Variants in TC2N observed in about 807,000 individuals in gnomAD.
The protein encoded by TC2N is tandem C2 domains nuclear protein.
In TC2N, 51 loss-of-function variants were observed where a neutral mutation model predicts 61.9. The ratio of observed to expected loss-of-function variants is 0.82; its 90% CI spans 0.66 to 1.04. The LOEUF (loss-of-function observed/expected upper bound fraction) is 1.04. TC2N is among the 50% of genes least tolerant of loss of function. The pLI, the probability that TC2N is intolerant of heterozygous loss-of-function variation, is 0.00. For synonymous variants in TC2N, 204 were observed against 192.6 expected, an observed-to-expected ratio of 1.06 and a Z score of -0.49; for missense variants, 556 against 566.7, an observed-to-expected ratio of 0.98 and a Z score of 0.19.
rs1362777314 is a variant in TC2N, at chr14:91,780,541, A to T, written c.*2559T>A. 2.0e-5 allele frequency: 3 copies of T among 152,242 alleles called. No homozygotes were observed. In the East Asian group the frequency reaches 5.8e-4, roughly 29 times the overall value. The allele number at this position is 152,242 out of a possible 1,614,324, so 9.4% of individuals were successfully genotyped here. ...AAATAGTGATGTTATATTTTAACCC[A>T]GGCTGCAGCTATTTGTGTTGATCTG... On this transcript the variant is annotated 3_prime_UTR_variant, in exon 12 of 12. Coordinates refer to ENST00000435962, the MANE Select transcript of TC2N (RefSeq NM_001128596.3).
intron 7 of TC2N, 151 bp from the exon 8 acceptor site, chr14:91,798,052 T>C: frequency 1.7e-6 from 1 of 582,444 alleles, no homozygotes; most frequent in East Asian, 3.0e-5. Context: ...TAAGCAAATT[T>C]TGACATATAA....
chr14:91,786,790 G>A (rs1282459434), intron 10 of TC2N, among the ~76,000 whole-genome samples: 1 of 151,942 alleles, frequency 6.6e-6, no homozygotes, highest in Non-Finnish European at 1.5e-5. Context: ...CTATTTTAAT[G>A]ATTCTTTCAA....
At chr14:91,797,654 A>G (rs1885961393) in intron 8 of TC2N, 131 bp downstream of exon 8, 2 of 619,262 alleles carry the variant, frequency 3.2e-6, no homozygotes, top group Non-Finnish European at 5.5e-6. Flanking sequence ...GCCTTGAAAA[A>G]GCAATAATAC....
chr14:91,825,026 C>CTTTTTTTTTTTTTTTTTTT (rs5810554), intron 1 of TC2N, among the ~76,000 whole-genome samples: 1 of 66,860 alleles, frequency 1.5e-5, no homozygotes, highest in Non-Finnish European at 2.6e-5. Context: ...TTTTTCTTTT[C>CTTTTTTTTTTTTTTTTTTT]TTTTTTTTTT....
intron 1 of TC2N, among the ~76,000 whole-genome samples, chr14:91,861,204 G>C (rs1389901047): frequency 6.6e-6 from 1 of 152,188 alleles, no homozygotes; most frequent in Non-Finnish European, 1.5e-5. Context: ...AGAAAGACCA[G>C]AGAATGAATC....
intron 3 of TC2N, among the ~76,000 whole-genome samples, chr14:91,803,854 T>C (rs1015847165): frequency 6.6e-6 from 1 of 152,228 alleles, no homozygotes; most frequent in Non-Finnish European, 1.5e-5. Context: ...AAAGAAGATA[T>C]GTGCAACAAG....
intron 1 of TC2N, among the ~76,000 whole-genome samples, chr14:91,820,937 GA>G (rs1266565767): frequency 1.3e-5 from 2 of 151,920 alleles, no homozygotes; most frequent in African/African-American, 4.8e-5. Flanking sequence ...AGACATTACT[GA>G]AAGATATTAA....
At position 91,787,508 on chromosome 14, in the gene TC2N, C is replaced by T; in HGVS notation, c.1162+5G>A. On this transcript the variant is annotated splice_donor_5th_base_variant and intron_variant, in intron 10 of 11. Transcript: ENST00000435962. ...GATTCTACTTTGAACCACTGATATACTTACTCAAAGTCAGAGGTGTTGATG... is the reference window on the plus strand; with the variant it reads ...GATTCTACTTTGAACCACTGATATATTTACTCAAAGTCAGAGGTGTTGATG... The T allele has an allele frequency of 1.3e-6, 2 of 1,571,078 alleles. No individual in the cohort carries two copies. Among genetic ancestry groups the T allele is most frequent in the Non-Finnish European group, 1.7e-6 (2 of 1,146,320 alleles).
At chr14:91,820,604 A>T (rs1270424401) in intron 1 of TC2N, among the ~76,000 whole-genome samples, 1 of 151,920 alleles carries the variant, frequency 6.6e-6, no homozygotes, top group Non-Finnish European at 1.5e-5. Context: ...TTGAGATTCT[A>T]GCTAAGCCAA....
Position 91,792,320 on chromosome 14 carries a change from C to T in TC2N, c.1047+47G>A, listed in dbSNP as rs369331713. 7.7e-5 allele frequency: 100 copies of T among 1,303,924 alleles called. 1 individual carries two copies. The highest frequency in any genetic ancestry group is 2.0e-4 in the Middle Eastern group (1 of 5,112). The allele number at this position is 1,303,924 out of a possible 1,614,324, so 80.8% of individuals were successfully genotyped here. On this transcript the variant is annotated intron_variant, in intron 9 of 11. Coordinates refer to ENST00000435962, the MANE Select transcript of TC2N (RefSeq NM_001128596.3). ...TAACAAACAAAAGCCCATCCACCAA[C>T]TAATTCTAAAAGTATGAAATACTCT...
At chr14:91,865,813 C>T (rs2139930874) in intron 1 of TC2N, among the ~76,000 whole-genome samples, 1 of 152,250 alleles carries the variant, frequency 6.6e-6, no homozygotes, top group East Asian at 1.9e-4. Flanking sequence ...CCTGCTACTG[C>T]ACCTACCACA....
chr14:91,799,665 T>G (rs1886119906), intron 5 of TC2N, among the ~76,000 whole-genome samples: 1 of 152,042 alleles, frequency 6.6e-6, no homozygotes, highest in Admixed American at 6.6e-5. Context: ...ATATTTCCAT[T>G]TTAAAAAATA....
intron 1 of TC2N, among the ~76,000 whole-genome samples, chr14:91,850,827 A>C (rs535613887): frequency 4.5e-4 from 68 of 152,290 alleles, no homozygotes; most frequent in African/African-American, 1.6e-3. Context: ...GCTACTCAGG[A>C]GTCTGAGAGA....
chr14:91,799,095 T>C (rs754608756), intron 5 of TC2N, 31 bp from the exon 6 acceptor site: 1 of 1,439,276 alleles, frequency 6.9e-7, no homozygotes, highest in South Asian at 1.2e-5. Context: ...TAGTCAGAAA[T>C]TGCATATGAA....
intron 8 of TC2N, among the ~76,000 whole-genome samples, chr14:91,796,027 T>C (rs919557785): frequency 6.6e-6 from 1 of 152,026 alleles, no homozygotes; most frequent in Non-Finnish European, 1.5e-5. Flanking sequence ...TATATAATAA[T>C]AAAATTGTAA....
At chr14:91,805,895 A>T (rs1203124944) in intron 3 of TC2N, among the ~76,000 whole-genome samples, 1 of 152,130 alleles carries the variant, frequency 6.6e-6, no homozygotes, top group Non-Finnish European at 1.5e-5. Context: ...AATGCCCTAT[A>T]CAGGTGTGAT....
chr14:91,799,741 T>TAC (rs1412806226), intron 5 of TC2N, among the ~76,000 whole-genome samples: 1 of 152,154 alleles, frequency 6.6e-6, no homozygotes, highest in Non-Finnish European at 1.5e-5. Context: ...ACATTGCACT[T>TAC]ACTCTGAGTT....
chr14:91,812,049 T>C (rs1886792538), intron 3 of TC2N: 1 of 207,498 alleles, frequency 4.8e-6, no homozygotes, highest in African/African-American at 2.3e-5. Context: ...TCCACAGATG[T>C]GGAACCCAAA....
chr14:91,804,573 C>T (rs1208595186), intron 3 of TC2N, among the ~76,000 whole-genome samples: 1 of 152,074 alleles, frequency 6.6e-6, no homozygotes, highest in Non-Finnish European at 1.5e-5. Flanking sequence ...ACTTACTGTA[C>T]AGATACAAAA....
Sources: gnomAD v4.1 joint callset for allele counts (sites outside exome capture counted in the v4.1 genomes callset) on GRCh38, gnomAD v4.1.1 for gene constraint, MANE v1.5 for transcripts, NCBI Gene and HGNC (gene_info 2026-07-23, HGNC 2026-07-21) for gene names.